Variants in NUMB observed in about 807,000 individuals in gnomAD.
The protein encoded by NUMB is protein numb homolog.
A neutral mutation model predicts 59.7 loss-of-function variants in NUMB; 29 were observed. That is an observed-to-expected ratio of 0.49 (90% CI 0.36 to 0.66). NUMB has a LOEUF of 0.66. Among genes scored for constraint, NUMB ranks in the 30% least tolerant of loss-of-function variants. The probability of loss-of-function intolerance (pLI) is 0.00; values close to 1 mark genes in which losing one functional copy is unlikely to be tolerated. For synonymous variants in NUMB, 288 were observed against 288.2 expected (o/e 1.00, Z 0.01); for missense variants, 723 against 822.0 (o/e 0.88, Z 1.47).
intron 1 of NUMB, among the ~76,000 whole-genome samples, chr14:73,450,640 C>CAAAAATTAGCCGGGCG (rs1432910300): frequency 6.6e-6 from 1 of 151,726 alleles, no homozygotes; most frequent in Non-Finnish European, 1.5e-5. Flanking sequence ...ACTAAAAATA[C>CAAAAATTAGCCGGGCG]AAAAATTAGC....
intron 3 of NUMB, among the ~76,000 whole-genome samples, chr14:73,357,891 A>C (rs10135671): frequency 0.18 from 13,852 of 74,956 alleles, 1,213 homozygotes; most frequent in African/African-American, 0.38. Context: ...GGCCCCCCCC[A>C]AAAAAAAAAA....
rs1174960370 is a variant in NUMB, at chr14:73,385,308, C to CTTTTTT, written c.-100-18333_-100-18328dup. Among the ~76,000 whole-genome samples the CTTTTTT allele has an allele frequency of 1.5e-3, 169 of 112,280 alleles. 1 individual carries two copies. Among genetic ancestry groups the CTTTTTT allele is most frequent in the South Asian group, 5.9e-3 (19 of 3,204 alleles). 73.7% of individuals were successfully genotyped at this position (112,280 alleles called of 152,430 possible). A position where few individuals can be genotyped will look rare whatever the true frequency, so the allele number is the denominator to read the frequency against. On this transcript the variant is annotated intron_variant, in intron 2 of 12. Transcript: ENST00000555238. ...AGCTATAGGTGCATACCAGTTAATTCTTTTTTTTTTTTTTTTTTTGGTAGA... is the reference window on the plus strand; with the variant it reads ...AGCTATAGGTGCATACCAGTTAATTCTTTTTTTTTTTTTTTTTTTTTTTTTGGTAGA...
At chr14:73,362,477 C>G (rs2140036405) in intron 3 of NUMB, among the ~76,000 whole-genome samples, 1 of 152,214 alleles carries the variant, frequency 6.6e-6, no homozygotes, top group Admixed American at 6.5e-5. Context: ...GCATCTCACT[C>G]TTGTCACCCA....
At chr14:73,361,270 C>T (rs1894084743) in intron 3 of NUMB, among the ~76,000 whole-genome samples, 1 of 152,160 alleles carries the variant, frequency 6.6e-6, no homozygotes, top group Non-Finnish European at 1.5e-5. Flanking sequence ...AATAAGTTAT[C>T]TAACTTGCTA....
At chr14:73,415,687 G>A (rs181622495) in intron 1 of NUMB, among the ~76,000 whole-genome samples, 3 of 151,730 alleles carry the variant, frequency 2.0e-5, no homozygotes, top group Non-Finnish European at 2.9e-5. Context: ...GGCTGGTCTC[G>A]AACTCCCTGC....
chr14:73,407,477 T>C (rs1038282162), intron 2 of NUMB, among the ~76,000 whole-genome samples: 1 of 152,188 alleles, frequency 6.6e-6, no homozygotes, highest in Non-Finnish European at 1.5e-5. Flanking sequence ...TCTCAATTAC[T>C]GTAACTTCTG....
At chr14:73,424,154 T>C (rs1394176225) in intron 1 of NUMB, among the ~76,000 whole-genome samples, 2 of 152,184 alleles carry the variant, frequency 1.3e-5, no homozygotes, top group South Asian at 2.1e-4. Context: ...CACTCATTTC[T>C]GAATATGAGA....
intron 1 of NUMB, among the ~76,000 whole-genome samples, chr14:73,419,968 T>A (rs1002782864): frequency 6.6e-6 from 1 of 152,174 alleles, no homozygotes; most frequent in African/African-American, 2.4e-5. Context: ...CAGGTTCAAA[T>A]GATTCTCCTG....
intron 4 of NUMB, among the ~76,000 whole-genome samples, chr14:73,353,742 T>C (rs780285782): frequency 2.0e-5 from 3 of 151,628 alleles, no homozygotes; most frequent in South Asian, 2.1e-4. Context: ...AAAATCTTAA[T>C]AGATATTTCC....
chr14:73,369,090 G>T (rs1894531602), intron 2 of NUMB, among the ~76,000 whole-genome samples: 1 of 150,166 alleles, frequency 6.7e-6, no homozygotes, highest in African/African-American at 2.5e-5. Flanking sequence ...CGCCCAGGCT[G>T]GAGTGCAATG....
At chr14:73,302,532 G>A (rs1322544353) in intron 6 of NUMB, among the ~76,000 whole-genome samples, 7 of 151,148 alleles carry the variant, frequency 4.6e-5, no homozygotes, top group South Asian at 2.1e-4. Flanking sequence ...TCAGCTTCCC[G>A]AGTAGCTGGG....
chr14:73,279,792 A>G (rs1888486755), intron 11 of NUMB, among the ~76,000 whole-genome samples: 1 of 152,270 alleles, frequency 6.6e-6, no homozygotes, highest in Non-Finnish European at 1.5e-5. Flanking sequence ...AGCCTTCGGC[A>G]TAATGAAGTA....
Position 73,352,453 on chromosome 14 carries a change from C to T in NUMB, c.126+3173G>A, listed in dbSNP as rs1366178648. 3.5e-3 allele frequency among the ~76,000 whole-genome samples: 84 copies of T among 23,668 alleles called. 4 individuals carry two copies. Among genetic ancestry groups the T allele is most frequent in the African/African-American group, 0.021 (81 of 3,792 alleles). The allele number at this position is 23,668 out of a possible 152,430, so 15.5% of individuals were successfully genotyped here. A position where few individuals can be genotyped will look rare whatever the true frequency, so the allele number is the denominator to read the frequency against. On this transcript the variant is annotated intron_variant, in intron 4 of 12. Coordinates refer to ENST00000555238, the MANE Select transcript of NUMB (RefSeq NM_001005743.2). Reference sequence around the variant, plus strand: ...ATATATACACACACACACACACACACACACATACACACACACACACACACA... The same window carrying T: ...ATATATACACACACACACACACACATACACATACACACACACACACACACA...
chr14:73,444,945 G>A (rs767983197), intron 1 of NUMB, among the ~76,000 whole-genome samples: 6 of 151,506 alleles, frequency 4.0e-5, no homozygotes, highest in Non-Finnish European at 5.9e-5. Context: ...CTCCCCAAAC[G>A]AGAGACTTGC....
In NUMB at chr14:73,440,759, T is replaced by C. The variant is rs1332613156; in HGVS notation, c.-233+17734A>G. Among the ~76,000 whole-genome samples, 21 of 128,558 alleles carry C rather than the reference T, an allele frequency of 1.6e-4. No individual in the cohort carries two copies. In the South Asian group the frequency reaches 4.9e-3, roughly 30 times the overall value. 84.3% of individuals were successfully genotyped at this position (128,558 alleles called of 152,430 possible). ...GGCAGAATAGTATGAAACCGGGAGG[T>C]GGAGGTTGCAGTGAGCTGAGATCGC... On this transcript the variant is annotated intron_variant, in intron 1 of 12. Transcript: ENST00000555238.
intron 2 of NUMB, among the ~76,000 whole-genome samples, chr14:73,373,705 CTTT>C (rs558452695): frequency 7.0e-5 from 9 of 127,710 alleles, no homozygotes; most frequent in African/African-American, 8.7e-5. Context: ...GGAAAGCTTC[CTTT>C]TTTTTTTTTT....
chr14:73,418,098 C>T (rs1183770408), intron 1 of NUMB, among the ~76,000 whole-genome samples: 2 of 150,642 alleles, frequency 1.3e-5, no homozygotes, highest in Admixed American at 6.6e-5. Context: ...GGGCAAGACT[C>T]TGTCTCAAAA....
intron 3 of NUMB, among the ~76,000 whole-genome samples, chr14:73,356,515 C>T (rs1821024410): frequency 6.6e-6 from 1 of 151,998 alleles, no homozygotes; most frequent in South Asian, 2.1e-4. Flanking sequence ...TGGTGGTGCA[C>T]ACCTGTAATC....
chr14:73,310,153 A>G (rs1890697216), intron 6 of NUMB, among the ~76,000 whole-genome samples: 1 of 152,188 alleles, frequency 6.6e-6, no homozygotes, highest in Non-Finnish European at 1.5e-5. Flanking sequence ...CACAAACTCA[A>G]ATGCCTACAA....
Sources: gnomAD v4.1 joint callset for allele counts (sites outside exome capture counted in the v4.1 genomes callset) on GRCh38, gnomAD v4.1.1 for gene constraint, MANE v1.5 for transcripts, NCBI Gene and HGNC (gene_info 2026-07-23, HGNC 2026-07-21) for gene names.